Variants in C8orf34 observed in about 807,000 individuals in gnomAD.
The protein encoded by C8orf34 is chromosome 8 open reading frame 34.
A neutral mutation model predicts 68.3 loss-of-function variants in C8orf34; 65 were observed. The ratio of observed to expected loss-of-function variants is 0.95; its 90% confidence interval spans 0.78 to 1.17. The LOEUF (loss-of-function observed/expected upper bound fraction) is 1.17, where lower values mean the gene tolerates loss of function less well. Among genes scored for constraint, C8orf34 ranks in the 50% most tolerant of loss-of-function variants. C8orf34 has a pLI of 0.00. For missense variants in C8orf34, 664 were observed against 655.4 expected (o/e 1.01, Z -0.14); for synonymous variants, 244 against 241.2 (o/e 1.01, Z -0.11).
intron 2 of C8orf34, among the ~76,000 whole-genome samples, chr8:68,441,464 C>T (rs1162048759): frequency 3.9e-5 from 6 of 152,110 alleles, no homozygotes; most frequent in African/African-American, 9.7e-5. Flanking sequence ...TTCTCCTCCT[C>T]CTCCTCCATC....
intron 1 of C8orf34, among the ~76,000 whole-genome samples, chr8:68,425,832 A>G (rs1260443853): frequency 1.3e-5 from 2 of 152,152 alleles, no homozygotes; most frequent in African/African-American, 2.4e-5. Flanking sequence ...ATGGATAAAT[A>G]CATAGGTCAA....
At chr8:68,506,683 C>T (rs1237758590) in intron 5 of C8orf34, among the ~76,000 whole-genome samples, 1 of 152,036 alleles carries the variant, frequency 6.6e-6, no homozygotes, top group Non-Finnish European at 1.5e-5. Flanking sequence ...TTAAATAGTG[C>T]CTTCTATTAA....
intron 10 of C8orf34, among the ~76,000 whole-genome samples, chr8:68,744,751 T>C (rs369410130): frequency 3.3e-5 from 5 of 152,092 alleles, no homozygotes; most frequent in Admixed American, 6.6e-5. Context: ...ACCAAATCTA[T>C]GTCTGATTGG....
intron 10 of C8orf34, among the ~76,000 whole-genome samples, chr8:68,755,091 T>G (rs1822816816): frequency 6.6e-6 from 1 of 152,202 alleles, no homozygotes; most frequent in Admixed American, 6.5e-5. Context: ...TCCTATGTCA[T>G]TATAAATATT....
chr8:68,625,541 G>A (rs960573812), intron 7 of C8orf34: 3 of 686,128 alleles, frequency 4.4e-6, no homozygotes, highest in Non-Finnish European at 5.3e-6. Flanking sequence ...TGTAAGGGAT[G>A]AGAACAGCAT....
intron 3 of C8orf34, among the ~76,000 whole-genome samples, chr8:68,452,576 A>G (rs547366567): frequency 4.2e-4 from 64 of 150,818 alleles, no homozygotes; most frequent in African/African-American, 1.5e-3. Context: ...CTCTGGAAAA[A>G]TGACTATTCA....
chr8:68,552,189 T>A (rs1816096471), intron 7 of C8orf34, among the ~76,000 whole-genome samples: 1 of 152,168 alleles, frequency 6.6e-6, no homozygotes, highest in Non-Finnish European at 1.5e-5. Flanking sequence ...TTCAAATTTA[T>A]TTCCCTTGCA....
chr8:68,666,650 C>T (rs1189531299), intron 8 of C8orf34, among the ~76,000 whole-genome samples: 1 of 152,142 alleles, frequency 6.6e-6, no homozygotes, highest in African/African-American at 2.4e-5. Flanking sequence ...CATAACAAAT[C>T]GACCCTCCTG....
chr8:68,467,469 C>G (rs1475198510), intron 3 of C8orf34, among the ~76,000 whole-genome samples: 2 of 151,938 alleles, frequency 1.3e-5, no homozygotes, highest in Non-Finnish European at 2.9e-5. Context: ...TTAGAGACTT[C>G]TCTTCTGTAG....
intron 8 of C8orf34, among the ~76,000 whole-genome samples, chr8:68,688,029 G>A (rs1313740234): frequency 6.6e-6 from 1 of 151,950 alleles, no homozygotes; most frequent in Non-Finnish European, 1.5e-5. Flanking sequence ...ATGAAAAATG[G>A]TCAACATAAC....
At chr8:68,816,434 G>A (rs1197600027) in intron 13 of C8orf34, among the ~76,000 whole-genome samples, 3 of 152,026 alleles carry the variant, frequency 2.0e-5, no homozygotes, top group South Asian at 4.1e-4. Flanking sequence ...AAAACACTTT[G>A]TCATCTCTTA....
At position 68,746,233 on chromosome 8, in the gene C8orf34, G is replaced by A. The variant is rs180695883; in HGVS notation, c.1404+24796G>A. 9.3e-3 allele frequency among the ~76,000 whole-genome samples: 1,408 copies of A among 151,550 alleles called. 22 individuals are homozygous for A. The highest frequency in any genetic ancestry group is 0.031 in the African/African-American group (1,265 of 41,204). On this transcript the variant is annotated intron_variant, in intron 10 of 13. Transcript: ENST00000518698. ...CCAGAATCTCTCGGACACATTCAAA[G>A]CAGTGTGTAGAGGGAAATTTATAGC...
At chr8:68,488,333 A>C (rs1220494187) in intron 5 of C8orf34, among the ~76,000 whole-genome samples, 3 of 152,182 alleles carry the variant, frequency 2.0e-5, no homozygotes, top group Admixed American at 2.0e-4. Context: ...ACTTCATAAC[A>C]CTATATTATG....
intron 5 of C8orf34, among the ~76,000 whole-genome samples, chr8:68,493,440 G>A (rs1813398973): frequency 6.6e-6 from 1 of 152,122 alleles, no homozygotes; most frequent in South Asian, 2.1e-4. Flanking sequence ...GACCCATTAG[G>A]ATGGCCACTA....
intron 11 of C8orf34, among the ~76,000 whole-genome samples, chr8:68,784,589 A>G (rs1823787890): frequency 6.6e-6 from 1 of 152,218 alleles, no homozygotes; most frequent in African/African-American, 2.4e-5. Flanking sequence ...GCTCCTGTAT[A>G]TACATTTGTC....
intron 7 of C8orf34, among the ~76,000 whole-genome samples, chr8:68,558,602 GGAAA>G (rs367877308): frequency 2.8e-3 from 431 of 151,638 alleles, no homozygotes; most frequent in African/African-American, 9.4e-3. Context: ...AGGGCGAGTG[GGAAA>G]GAGAGAGAGA....
intron 3 of C8orf34, among the ~76,000 whole-genome samples, chr8:68,452,823 A>G (rs940596504): frequency 6.6e-6 from 1 of 150,622 alleles, no homozygotes; most frequent in Non-Finnish European, 1.5e-5. Flanking sequence ...TTGGTGTCAT[A>G]TCTAAGAAAC....
At chr8:68,606,955 AC>A (rs1817871569) in intron 7 of C8orf34, among the ~76,000 whole-genome samples, 1 of 152,132 alleles carries the variant, frequency 6.6e-6, no homozygotes, top group Non-Finnish European at 1.5e-5. Context: ...CACTCTGGCC[AC>A]AGGAGTAAAA....
At chr8:68,536,995 T>C (rs537774541) in intron 7 of C8orf34, among the ~76,000 whole-genome samples, 1 of 152,290 alleles carries the variant, frequency 6.6e-6, no homozygotes, top group African/African-American at 2.4e-5. Flanking sequence ...AACAATTTAC[T>C]AGAAGGAGTT....
Sources: allele counts gnomAD v4.1 joint callset (sites outside exome capture counted in the v4.1 genomes callset), GRCh38; gene constraint gnomAD v4.1.1; transcripts MANE v1.5; gene names NCBI Gene and HGNC (gene_info 2026-07-23, HGNC 2026-07-21).